KIF26B: variants seen among roughly 807,000 people sequenced by gnomAD.
KIF26B encodes the protein kinesin family member 26B, also known as kinesin-like protein KIF26B.
KIF26B carries 63 observed loss-of-function variants against 151.2 expected under a neutral mutation model. The ratio of observed to expected loss-of-function variants is 0.42; its 90% CI spans 0.34 to 0.51. The LOEUF (loss-of-function observed/expected upper bound fraction) is 0.51. Ranked by LOEUF, KIF26B falls within the 20% of genes least tolerant of loss-of-function variation. The pLI is 0.07. For missense variants in KIF26B, 2,813 were observed against 2,913.6 expected, an observed-to-expected ratio of 0.97 and a Z score of 0.79; for synonymous variants, 1,357 against 1,262.1, an observed-to-expected ratio of 1.08 and a Z score of -1.59.
At chr1:245,465,595 ATATTCACAG>A (rs563283505) in intron 4 of KIF26B, among the ~76,000 whole-genome samples, 238 of 152,322 alleles carry the variant, frequency 1.6e-3, no homozygotes, top group African/African-American at 5.5e-3. Flanking sequence ...TAGCACGTAG[ATATTCACAG>A]CTCTCTAGAG....
chr1:245,640,261 T>C (rs1303313115), intron 9 of KIF26B, among the ~76,000 whole-genome samples: 3 of 150,770 alleles, frequency 2.0e-5, no homozygotes, highest in Non-Finnish European at 4.4e-5. Flanking sequence ...TTTCTTTATA[T>C]AGTTTTTCAC....
chr1:245,396,423 T>A (rs1673843389), intron 3 of KIF26B, among the ~76,000 whole-genome samples: 1 of 152,174 alleles, frequency 6.6e-6, no homozygotes, highest in African/African-American at 2.4e-5. Flanking sequence ...GTCTTAATCA[T>A]ATGGCTTCAA....
intron 2 of KIF26B, among the ~76,000 whole-genome samples, chr1:245,278,120 A>G (rs1670970844): frequency 6.6e-6 from 1 of 152,110 alleles, no homozygotes; most frequent in South Asian, 2.1e-4. Flanking sequence ...TAACAAAAGG[A>G]AGAACTGTAC....
intron 5 of KIF26B, among the ~76,000 whole-genome samples, chr1:245,543,641 T>A (rs193289106): frequency 1.2e-3 from 181 of 152,118 alleles, no homozygotes; most frequent in African/African-American, 4.2e-3. Context: ...TTGGAGAGAA[T>A]GTGTACCATG....
intron 10 of KIF26B, among the ~76,000 whole-genome samples, chr1:245,675,780 T>C (rs976572792): frequency 6.6e-6 from 1 of 152,096 alleles, no homozygotes; most frequent in Non-Finnish European, 1.5e-5. Flanking sequence ...GGTAACATGA[T>C]AGAAGCACAT....
intron 3 of KIF26B, among the ~76,000 whole-genome samples, chr1:245,400,448 T>G (rs529337154): frequency 2.0e-5 from 3 of 152,140 alleles, no homozygotes; most frequent in East Asian, 1.9e-4. Flanking sequence ...ACCTGAGGGA[T>G]GTATGCCCAC....
intron 2 of KIF26B, among the ~76,000 whole-genome samples, chr1:245,342,231 T>TAA (rs1672349923): frequency 2.0e-5 from 3 of 152,232 alleles, no homozygotes; most frequent in African/African-American, 7.2e-5. Context: ...TTTAACCAAG[T>TAA]AAATGGCTTC....
At chr1:245,664,647 G>A (rs894868107) in intron 10 of KIF26B, among the ~76,000 whole-genome samples, 4 of 152,060 alleles carry the variant, frequency 2.6e-5, no homozygotes, top group Non-Finnish European at 5.9e-5. Context: ...AACATGAAAT[G>A]CTTTCTTAAT....
intron 4 of KIF26B, among the ~76,000 whole-genome samples, chr1:245,467,835 C>T (rs1659828867): frequency 6.6e-6 from 1 of 151,872 alleles, no homozygotes; most frequent in Admixed American, 6.6e-5. Context: ...GTGGAGGTTG[C>T]AGTGAGCTGA....
At chr1:245,212,403 CCT>C (rs1442683981) in intron 2 of KIF26B, among the ~76,000 whole-genome samples, 4 of 152,182 alleles carry the variant, frequency 2.6e-5, no homozygotes, top group Non-Finnish European at 5.9e-5. Context: ...GGCGCAAACC[CCT>C]GAGAGGTCCC....
At position 245,688,001 on chromosome 1, in the gene KIF26B, C is replaced by T. The variant is rs1455274375; in HGVS notation, c.5018C>T (p.Thr1673Ile). The T allele has an allele frequency of 5.7e-6, 9 of 1,568,298 alleles. No individual in the cohort carries two copies. Among genetic ancestry groups the T allele is most frequent in the Middle Eastern group, 1.7e-4 (1 of 6,018 alleles). The change falls in exon 12 of 15, where the codon ACA becomes ATA. Residue 1673 changes from threonine to isoleucine, a missense_variant. Physicochemically the swap from Thr to Ile is moderately conservative, Grantham distance 89 (BLOSUM62 -1). Transcript: ENST00000407071. ...AGAAGCAACTCGCTGGGCAGGGCGA[C>T]AGTCAGCCACTACGAATGCCTCTCC... ...ASRSNSLGRA[T>I]VSHYECLSLE...
chr1:245,386,531 T>A (rs1673549977), intron 3 of KIF26B, among the ~76,000 whole-genome samples: 1 of 151,920 alleles, frequency 6.6e-6, no homozygotes, highest in African/African-American at 2.4e-5. Flanking sequence ...GGAGGAGAGC[T>A]AGACATTGAC....
intron 4 of KIF26B, among the ~76,000 whole-genome samples, chr1:245,483,323 A>G (rs935556916): frequency 6.6e-6 from 1 of 151,830 alleles, no homozygotes; most frequent in African/African-American, 2.4e-5. Context: ...CCTCATGCAT[A>G]GATGAGGAAA....
At chr1:245,180,980 T>G (rs1244640267) in intron 2 of KIF26B, among the ~76,000 whole-genome samples, 1 of 152,132 alleles carries the variant, frequency 6.6e-6, no homozygotes, top group Non-Finnish European at 1.5e-5. Flanking sequence ...GGGGACATTG[T>G]GCACCCCCTT....
At chr1:245,316,414 G>A (rs12731048) in intron 2 of KIF26B, among the ~76,000 whole-genome samples, 8,805 of 152,126 alleles carry the variant, frequency 0.058, 523 homozygotes, top group Admixed American at 0.2. Context: ...ATGAGCCACC[G>A]CGTCCGGCCC....
At chr1:245,552,616 A>ATTTTT (rs3038129) in intron 5 of KIF26B, among the ~76,000 whole-genome samples, 17 of 138,516 alleles carry the variant, frequency 1.2e-4, no homozygotes, top group African/African-American at 3.0e-4. Flanking sequence ...ATCTTCCTGG[A>ATTTTT]TTTTTTTTTT....
chr1:245,576,407 G>A (rs969228870), intron 5 of KIF26B, among the ~76,000 whole-genome samples: 1 of 152,154 alleles, frequency 6.6e-6, no homozygotes, highest in Admixed American at 6.5e-5. Context: ...TGTTTGTGGA[G>A]GTGTAGTGAA....
chr1:245,426,234 G>A (rs1250988646), intron 4 of KIF26B, among the ~76,000 whole-genome samples: 1 of 148,920 alleles, frequency 6.7e-6, no homozygotes, highest in African/African-American at 2.5e-5. Flanking sequence ...CTCCCTTCCT[G>A]TTTTTCCATC....
At chr1:245,373,790 G>A (rs946583653) in intron 3 of KIF26B, among the ~76,000 whole-genome samples, 8 of 151,786 alleles carry the variant, frequency 5.3e-5, no homozygotes, top group African/African-American at 1.9e-4. Flanking sequence ...GTCTGGGCAC[G>A]GTGGCTCATG....
Sources: allele counts gnomAD v4.1 joint callset (sites outside exome capture counted in the v4.1 genomes callset), GRCh38; gene constraint gnomAD v4.1.1; transcripts MANE v1.5; gene names NCBI Gene and HGNC (gene_info 2026-07-23, HGNC 2026-07-21).